Variants in PEDS1 observed in about 807,000 individuals in gnomAD.
PEDS1 encodes the protein plasmanylethanolamine desaturase 1.
PEDS1 carries 14 observed loss-of-function variants against 35.2 expected under a neutral mutation model. The observed-to-expected ratio is 0.40, with a 90% CI of 0.26 to 0.62. The LOEUF is 0.62. Ranked by LOEUF, PEDS1 falls within the 20% of genes least tolerant of loss-of-function variation. The probability of loss-of-function intolerance (pLI) is 0.44; values close to 1 mark genes in which losing one functional copy is unlikely to be tolerated. For missense variants in PEDS1, 260 were observed against 367.8 expected, an observed-to-expected ratio of 0.71 and a Z score of 2.40; for synonymous variants, 152 against 152.0, an observed-to-expected ratio of 1.00 and a Z score of 0.00.
chr20:50,131,243 C>T, intron 2 of PEDS1: 2 of 632,764 alleles, frequency 3.2e-6, no homozygotes, highest in South Asian at 3.8e-5. Flanking sequence ...CTGTGCCCTT[C>T]TCTCTGCCCC....
At position 50,129,366 on chromosome 20, in the gene PEDS1, G is replaced by T. The variant is rs1379790673; in HGVS notation, c.478+180C>A. 6.6e-6 allele frequency among the ~76,000 whole-genome samples: 1 copy of T among 152,190 alleles called. No homozygotes were observed. Among genetic ancestry groups the T allele is most frequent in the Non-Finnish European group, 1.5e-5 (1 of 68,024 alleles). Reference sequence around the variant, plus strand: ...ACCCAGGGGGGCCAGAGCAGATTGTGCAAGAGAAGCTGGAAACCTCCATCT... The same window carrying T: ...ACCCAGGGGGGCCAGAGCAGATTGTTCAAGAGAAGCTGGAAACCTCCATCT... On this transcript the variant is annotated intron_variant, in intron 4 of 5. Coordinates refer to ENST00000371652, the MANE Select transcript of PEDS1 (RefSeq NM_199129.4). This position sits in a 1 kb window ranked among gnomAD's most constrained non-coding sequence, Gnocchi z 4.2.
chr20:50,118,405 C>G lies in PEDS1; in HGVS notation c.*6653G>C, dbSNP rs999567788. On this transcript the variant is annotated 3_prime_UTR_variant, in exon 6 of 6. Transcript: ENST00000371652. ...CAGGTGAGGAAACTGAGACACAGAA[C>G]GGTTAAGTAACTTGCCCAAAGTCAC... is the stretch of plus-strand genomic sequence containing the variant. 2 of 152,336 alleles carry G rather than the reference C, an allele frequency of 1.3e-5. No individual in the cohort carries two copies. Among genetic ancestry groups the G allele is most frequent in the Non-Finnish European group, 2.9e-5 (2 of 68,200 alleles). 9.4% of individuals were successfully genotyped at this position (152,336 alleles called of 1,614,324 possible).
chr20:50,125,108 C>T lies in PEDS1; in HGVS notation c.763G>A (p.Gly255Ser). The T allele has an allele frequency of 6.2e-7, 1 of 1,614,176 alleles. No individual in the cohort carries two copies. Among genetic ancestry groups the T allele is most frequent in the South Asian group, 1.1e-5 (1 of 91,080 alleles). The change falls in exon 6 of 6, where the codon GGC becomes AGC. Residue 255 changes from glycine to serine, a missense_variant. This residue lies in a region of PEDS1 where 83 missense variants were observed against 142.8 expected (regional missense o/e 0.58). Coordinates refer to ENST00000371652, the MANE Select transcript of PEDS1 (RefSeq NM_199129.4). ...ATGTCATCTGCCCGAGGCTTCTCGCCCGTCAGGCCCTGGATGAGGTCCTCC... is the reference window on the plus strand; with the variant it reads ...ATGTCATCTGCCCGAGGCTTCTCGCTCGTCAGGCCCTGGATGAGGTCCTCC... Reference protein sequence around the residue: ...RLEDLIQGLTGEKPRADDMKW... With the variant: ...RLEDLIQGLTSEKPRADDMKW...
intron 1 of PEDS1, among the ~76,000 whole-genome samples, chr20:50,150,944 C>G (rs575903284): frequency 6.6e-6 from 1 of 152,294 alleles, no homozygotes; most frequent in South Asian, 2.1e-4. Context: ...GATCCACCCA[C>G]CTCGGCCTCC....
chr20:50,151,303 A>G (rs754510621), intron 1 of PEDS1: 16 of 1,304,156 alleles, frequency 1.2e-5, no homozygotes, highest in Admixed American at 2.3e-5. Context: ...TGTTCTTCAG[A>G]GAGTGAAGGG....
chr20:50,128,236 G>A lies in PEDS1; in HGVS notation c.479-49C>T. On this transcript the variant is annotated intron_variant, in intron 4 of 5. Transcript: ENST00000371652. The surrounding 1 kb of genome is among the most constrained non-coding windows in gnomAD (Gnocchi z 5.2). The stretch of plus-strand genomic sequence containing the variant: ...CCGGCACAGCTGTCACTCGGGACGG[G>A]GAACCCACCCCAAATGGCCCTCACC... 1 of 1,605,610 alleles carries A rather than the reference G, an allele frequency of 6.2e-7. No homozygotes were observed. The highest frequency in any genetic ancestry group is 8.5e-7 in the Non-Finnish European group (1 of 1,176,286).
Position 50,129,796 on chromosome 20 carries a change from C to A in PEDS1, c.334-106G>T. 1 of 1,509,422 alleles carries A rather than the reference C, an allele frequency of 6.6e-7. No individual in the cohort carries two copies. The highest frequency in any genetic ancestry group is 8.9e-7 in the Non-Finnish European group (1 of 1,128,006). The allele number at this position is 1,509,422 out of a possible 1,614,324, so 93.5% of individuals were successfully genotyped here. A position where few individuals can be genotyped will look rare whatever the true frequency, so the allele number is the denominator to read the frequency against. The stretch of plus-strand genomic sequence containing the variant: ...CTGGGCTCACCTCCCGCCTTTGATC[C>A]TAAGTTTCCTCCACCCGGGATGCTT... On this transcript the variant is annotated intron_variant, in intron 3 of 5. Transcript: ENST00000371652. The surrounding 1 kb of genome is among the most constrained non-coding windows in gnomAD (Gnocchi z 4.2).
rs2081145574 is a variant in PEDS1 at position 50,129,158 on chromosome 20, T to C, written c.478+388A>G. ...CCCTGTTTTCACAGCCTAGACATTTTCCACTAGGCCACGGTAGCAAAACCC... is the reference window on the plus strand; with the variant it reads ...CCCTGTTTTCACAGCCTAGACATTTCCCACTAGGCCACGGTAGCAAAACCC... On this transcript the variant is annotated intron_variant, in intron 4 of 5. Coordinates refer to ENST00000371652, the MANE Select transcript of PEDS1 (RefSeq NM_199129.4). The surrounding 1 kb of genome is among the most constrained non-coding windows in gnomAD (Gnocchi z 4.2). Among the ~76,000 whole-genome samples, 1 of 152,194 alleles carries C rather than the reference T, an allele frequency of 6.6e-6. No individual in the cohort carries two copies. The highest frequency in any genetic ancestry group is 2.4e-5 in the African/African-American group (1 of 41,444).
chr20:50,125,054 G>T lies in PEDS1; in HGVS notation c.*4C>A, dbSNP rs781258735. On this transcript the variant is annotated 3_prime_UTR_variant, in exon 6 of 6. Coordinates refer to ENST00000371652, the MANE Select transcript of PEDS1 (RefSeq NM_199129.4). ...TTGGCAACCAGGTAGCAGGCTCGGA[G>T]AAGTTATTTGATCTTCTGGGCCCAT... 2 of 1,613,558 alleles carry T rather than the reference G, an allele frequency of 1.2e-6. No individual in the cohort carries two copies. Among genetic ancestry groups the T allele is most frequent in the Admixed American group, 1.7e-5 (1 of 60,002 alleles).
Position 50,124,408 on chromosome 20 carries a change from C to T in PEDS1, c.*650G>A, listed in dbSNP as rs1226693280. Reference sequence around the variant, plus strand: ...CCAAGATGCTCTGCAGGGGCTGTGCCCTGTGAAGACATCTTGGTATTGGAA... The same window carrying T: ...CCAAGATGCTCTGCAGGGGCTGTGCTCTGTGAAGACATCTTGGTATTGGAA... On this transcript the variant is annotated 3_prime_UTR_variant, in exon 6 of 6. Coordinates refer to ENST00000371652, the MANE Select transcript of PEDS1 (RefSeq NM_199129.4). The T allele has an allele frequency of 2.6e-5, 4 of 152,556 alleles. No homozygotes were observed. Among genetic ancestry groups the T allele is most frequent in the Non-Finnish European group, 5.9e-5 (4 of 68,220 alleles). 9.5% of individuals were successfully genotyped at this position (152,556 alleles called of 1,614,324 possible).
At chr20:50,150,169 G>A (rs1355030875) in intron 1 of PEDS1, among the ~76,000 whole-genome samples, 3 of 151,986 alleles carry the variant, frequency 2.0e-5, no homozygotes, top group Non-Finnish European at 2.9e-5. Context: ...CAGCTCACAC[G>A]GTTGTAGTGG....
chr20:50,148,783 G>T (rs943176903), intron 1 of PEDS1, among the ~76,000 whole-genome samples: 2 of 152,082 alleles, frequency 1.3e-5, no homozygotes, highest in African/African-American at 4.8e-5. Flanking sequence ...ACAAATAAGA[G>T]ATGAGAGACA....
chr20:50,124,862 GAAAAA>G lies in PEDS1; in HGVS notation c.*191_*195del. On this transcript the variant is annotated 3_prime_UTR_variant, in exon 6 of 6. Coordinates refer to ENST00000371652, the MANE Select transcript of PEDS1 (RefSeq NM_199129.4). ...CTCAGGTGGCTGAGGAGGGGCCGAG[GAAAAA>G]AAAAAAAAAGAAATGAAAAATCAGT... 5.7e-6 allele frequency: 3 copies of G among 526,638 alleles called. No individual in the cohort carries two copies. Among genetic ancestry groups the G allele is most frequent in the Non-Finnish European group, 9.2e-6 (3 of 324,972 alleles). 32.6% of individuals were successfully genotyped at this position (526,638 alleles called of 1,614,324 possible).
At chr20:50,147,406 T>C (rs914416420) in intron 1 of PEDS1, among the ~76,000 whole-genome samples, 64 of 152,124 alleles carry the variant, frequency 4.2e-4, no homozygotes, top group African/African-American at 1.5e-3. Flanking sequence ...TCACACTGGG[T>C]GGCCAGATTT....
At chr20:50,137,753 C>T (rs1275285031) in intron 2 of PEDS1, among the ~76,000 whole-genome samples, 1 of 152,224 alleles carries the variant, frequency 6.6e-6, no homozygotes, top group African/African-American at 2.4e-5. Flanking sequence ...CGCTTGTAGT[C>T]CCAGCTACTC....
intron 1 of PEDS1, 133 bp from the exon 2 acceptor site, chr20:50,143,754 G>C: frequency 7.0e-7 from 1 of 1,420,098 alleles, no homozygotes; most frequent in African/African-American, 1.4e-5. Flanking sequence ...CTGGAGTGCA[G>C]TGGTGCCATC....
At chr20:50,152,929 G>C (rs2081419850) in intron 1 of PEDS1, among the ~76,000 whole-genome samples, 1 of 152,086 alleles carries the variant, frequency 6.6e-6, no homozygotes, top group Non-Finnish European at 1.5e-5. Flanking sequence ...GGAAGGGTGT[G>C]GGGGGTACCG....
intron 2 of PEDS1, among the ~76,000 whole-genome samples, chr20:50,136,346 G>C (rs1004678241): frequency 9.9e-5 from 15 of 152,206 alleles, no homozygotes. Flanking sequence ...GAAGTGTTAA[G>C]AAGTGCATCA....
rs2081022256 is a variant in PEDS1, at chr20:50,118,443, G to C, written c.*6615C>G. 6.6e-6 allele frequency: 1 copy of C among 152,112 alleles called. No individual in the cohort carries two copies. Among genetic ancestry groups the C allele is most frequent in the South Asian group, 2.1e-4 (1 of 4,828 alleles). 9.4% of individuals were successfully genotyped at this position (152,112 alleles called of 1,614,324 possible). A position where few individuals can be genotyped will look rare whatever the true frequency, so the allele number is the denominator to read the frequency against. On this transcript the variant is annotated 3_prime_UTR_variant, in exon 6 of 6. Coordinates refer to ENST00000371652, the MANE Select transcript of PEDS1 (RefSeq NM_199129.4). ...TGCCCAAAGTCACAAGCTTGTAAGT[G>C]GCAGAACTGGGATTTGAACCCTACA...
Sources: allele counts gnomAD v4.1 joint callset (sites outside exome capture counted in the v4.1 genomes callset), GRCh38; gene constraint gnomAD v4.1.1; regional missense constraint gnomAD v4.1.1; non-coding constraint Gnocchi (gnomAD v3.1); transcripts MANE v1.5; gene names NCBI Gene and HGNC (gene_info 2026-07-23, HGNC 2026-07-21).